Variants in ME3 observed in about 807,000 individuals in gnomAD.
ME3 encodes the protein NADP-dependent malic enzyme, mitochondrial.
In ME3, 48 loss-of-function variants were observed where a neutral mutation model predicts 68.9. That is an observed-to-expected ratio of 0.70 (90% CI 0.55 to 0.89). ME3 has a LOEUF of 0.89. Ranked by LOEUF, ME3 falls within the 40% of genes least tolerant of loss-of-function variation. The pLI, the probability that ME3 is intolerant of heterozygous loss-of-function variation, is 0.00. For synonymous variants in ME3, 320 were observed against 318.8 expected (o/e 1.00, Z -0.04); for missense variants, 675 against 797.4 (o/e 0.85, Z 1.85).
chr11:86,471,325 G>A (rs551984245), intron 7 of ME3, among the ~76,000 whole-genome samples: 2 of 151,726 alleles, frequency 1.3e-5, no homozygotes, highest in African/African-American at 2.4e-5. Flanking sequence ...TACTAGAGAC[G>A]GGATTTCACC....
chr11:86,660,765 T>C (rs889824551), intron 2 of ME3, among the ~76,000 whole-genome samples: 1 of 152,168 alleles, frequency 6.6e-6, no homozygotes, highest in Non-Finnish European at 1.5e-5. Context: ...CGGATGAGAA[T>C]TGATAATCTC....
Position 86,442,789 on chromosome 11 carries a change from T to C in ME3, c.1653+32A>G, listed in dbSNP as rs557163018. 136 of 1,546,658 alleles carry C rather than the reference T, an allele frequency of 8.8e-5. No homozygotes were observed. The South Asian group carries it at 1.4e-3, about 16-fold the overall frequency. On this transcript the variant is annotated intron_variant, in intron 14 of 14. Coordinates refer to ENST00000543262, the Ensembl canonical transcript of ME3. ...GACAGAGAAAGTGGTTGAGCCTCAC[T>C]ACCCATATTACAGGGGTAGGATGCC...
rs534680613 is a variant in ME3 at position 86,667,512 on chromosome 11, G to A, written c.183+4250C>T. 2.3e-3 allele frequency among the ~76,000 whole-genome samples: 349 copies of A among 152,250 alleles called. 2 individuals carry two copies. Among genetic ancestry groups the A allele is most frequent in the African/African-American group, 8.2e-3 (341 of 41,544 alleles). On this transcript the variant is annotated intron_variant, in intron 2 of 14. Coordinates refer to ENST00000543262, the Ensembl canonical transcript of ME3. ...AGATTAATGAAGTTGAGAGGAAAGG[G>A]GCCATGACATGATTGAAATCATTTA... is the stretch of plus-strand genomic sequence containing the variant.
chr11:86,514,675 C>A (rs1226773046), intron 4 of ME3, among the ~76,000 whole-genome samples: 1 of 152,228 alleles, frequency 6.6e-6, no homozygotes, highest in African/African-American at 2.4e-5. Context: ...TAAGTTACTT[C>A]CCTTCTTCAA....
chr11:86,566,982 C>T (rs753959963), intron 2 of ME3, among the ~76,000 whole-genome samples: 20 of 152,004 alleles, frequency 1.3e-4, no homozygotes, highest in Non-Finnish European at 2.8e-4. Context: ...CTTTGGGAGG[C>T]TGAGGCGGGT....
intron 2 of ME3, among the ~76,000 whole-genome samples, chr11:86,613,372 G>A (rs908418654): frequency 2.0e-5 from 3 of 151,978 alleles, no homozygotes; most frequent in Non-Finnish European, 2.9e-5. Context: ...CATACTGAAT[G>A]GGCAAAAGTT....
chr11:86,451,854 A>G (rs1380904656), intron 8 of ME3, among the ~76,000 whole-genome samples: 2 of 152,240 alleles, frequency 1.3e-5, no homozygotes, highest in Non-Finnish European at 2.9e-5. Flanking sequence ...GATGGGCAGC[A>G]ATATGCTCAT....
At chr11:86,547,252 A>AC (rs1301150719) in intron 4 of ME3, among the ~76,000 whole-genome samples, 1 of 151,454 alleles carries the variant, frequency 6.6e-6, no homozygotes, top group African/African-American at 2.4e-5. Flanking sequence ...AAAAAAAAAA[A>AC]AAAAAAAAGA....
At chr11:86,531,475 T>C (rs1436988028) in intron 4 of ME3, among the ~76,000 whole-genome samples, 1 of 152,228 alleles carries the variant, frequency 6.6e-6, no homozygotes, top group Non-Finnish European at 1.5e-5. Context: ...GAAATACCAC[T>C]TGACCCAGGC....
At chr11:86,631,419 T>C (rs995456836) in intron 2 of ME3, among the ~76,000 whole-genome samples, 3 of 152,180 alleles carry the variant, frequency 2.0e-5, no homozygotes, top group African/African-American at 4.8e-5. Context: ...CTGTAACTTA[T>C]AGGCAGTGAC....
Position 86,633,198 on chromosome 11 carries a change from T to C in ME3, c.183+38564A>G, listed in dbSNP as rs148415625. Reference sequence around the variant, plus strand: ...CACATTACAGTCTCCAAGCAGCTCATTGACCCACAAGAGAGATGTGACCAA... The same window carrying C: ...CACATTACAGTCTCCAAGCAGCTCACTGACCCACAAGAGAGATGTGACCAA... On this transcript the variant is annotated intron_variant, in intron 2 of 14. Coordinates refer to ENST00000543262, the Ensembl canonical transcript of ME3. Among the ~76,000 whole-genome samples the C allele has an allele frequency of 4.6e-3, 698 of 152,332 alleles. 3 individuals are homozygous for C. Among genetic ancestry groups the C allele is most frequent in the African/African-American group, 0.011 (453 of 41,570 alleles).
At chr11:86,471,755 G>C (rs1472954946) in intron 7 of ME3, among the ~76,000 whole-genome samples, 3 of 152,190 alleles carry the variant, frequency 2.0e-5, no homozygotes, top group Non-Finnish European at 4.4e-5. Flanking sequence ...TTTGAGCCCA[G>C]AAGTTCAAGG....
intron 2 of ME3, among the ~76,000 whole-genome samples, chr11:86,664,965 A>G (rs1946501525): frequency 6.6e-6 from 1 of 152,188 alleles, no homozygotes; most frequent in South Asian, 2.1e-4. Context: ...TAAGATGTAT[A>G]CACACTCCAG....
chr11:86,515,740 AAGG>A lies in ME3; in HGVS notation c.468-6876_468-6874del, dbSNP rs532243213. On this transcript the variant is annotated intron_variant, in intron 4 of 14. Coordinates refer to ENST00000543262, the Ensembl canonical transcript of ME3. ...TGATTGGGGTAGTCATTTAGGTGCC[AAGG>A]AGCTCTCTGTATTCCACAGCTGGGT... is the stretch of plus-strand genomic sequence containing the variant. Among the ~76,000 whole-genome samples, 66 of 152,286 alleles carry A rather than the reference AAGG, an allele frequency of 4.3e-4. 1 individual carries two copies. Among genetic ancestry groups the A allele is most frequent in the African/African-American group, 1.5e-3 (61 of 41,550 alleles).
intron 11 of ME3, 52 bp from the exon 12 acceptor site, chr11:86,447,259 T>C (rs780440990): frequency 1.3e-6 from 2 of 1,587,710 alleles, no homozygotes; most frequent in South Asian, 2.3e-5. Context: ...AAACAACCCA[T>C]TCCTCTTCTG....
intron 2 of ME3, among the ~76,000 whole-genome samples, chr11:86,575,837 T>C (rs1487911224): frequency 6.6e-6 from 1 of 152,208 alleles, no homozygotes; most frequent in East Asian, 1.9e-4. Flanking sequence ...GTTAAATAAA[T>C]GAACAAATGA....
intron 2 of ME3, among the ~76,000 whole-genome samples, chr11:86,651,028 G>A (rs971291049): frequency 1.3e-5 from 2 of 152,200 alleles, no homozygotes; most frequent in African/African-American, 2.4e-5. Context: ...AAACTGCAAG[G>A]TGGCAGCGAG....
intron 4 of ME3, among the ~76,000 whole-genome samples, chr11:86,527,200 G>C (rs562101185): frequency 5.9e-5 from 9 of 152,296 alleles, no homozygotes; most frequent in African/African-American, 2.2e-4. Flanking sequence ...ACCAAGGCAC[G>C]AGAACTACGT....
rs866968358 is a variant in ME3, at chr11:86,459,867, G to A, written c.919+5224C>T. 1.8e-4 allele frequency among the ~76,000 whole-genome samples: 28 copies of A among 152,370 alleles called. No individual in the cohort carries two copies. The Middle Eastern group carries it at 0.024, about 130-fold the overall frequency. On this transcript the variant is annotated intron_variant, in intron 8 of 14. Transcript: ENST00000543262. ...TTTAGCAGGATTGGTGGACAATGCAGGTCCAGGGAAGGCTGGCCAGGTGGA... is the reference window on the plus strand; with the variant it reads ...TTTAGCAGGATTGGTGGACAATGCAAGTCCAGGGAAGGCTGGCCAGGTGGA...
Sources: gnomAD v4.1 joint callset for allele counts (sites outside exome capture counted in the v4.1 genomes callset) on GRCh38, gnomAD v4.1.1 for gene constraint, MANE v1.5 for transcripts, NCBI Gene and HGNC (gene_info 2026-07-23, HGNC 2026-07-21) for gene names.